Variants in LRP2 observed in about 807,000 individuals in gnomAD.
LRP2 encodes the protein low-density lipoprotein receptor-related protein 2.
Under a neutral mutation model 531.0 loss-of-function variants are expected in LRP2, and 172 were observed. The ratio of observed to expected loss-of-function variants is 0.32; its 90% confidence interval spans 0.29 to 0.37. LRP2 has a LOEUF of 0.37. Among genes scored for constraint, LRP2 ranks in the 10% least tolerant of loss-of-function variants. LRP2 has a pLI of 1.00. For synonymous variants in LRP2, 1,992 were observed against 2,027.6 expected, an observed-to-expected ratio of 0.98 and a Z score of 0.47; for missense variants, 5,167 against 5,868.3, an observed-to-expected ratio of 0.88 and a Z score of 3.90.
chr2:169,266,934 C>T (rs950950696), intron 16 of LRP2, among the ~76,000 whole-genome samples: 2 of 138,884 alleles, frequency 1.4e-5, no homozygotes, highest in Non-Finnish European at 3.0e-5. Context: ...GTTGCCCAAG[C>T]TGGAGTGCAG....
intron 1 of LRP2, among the ~76,000 whole-genome samples, chr2:169,350,124 G>T (rs562355806): frequency 1.8e-4 from 27 of 152,326 alleles, no homozygotes; most frequent in Non-Finnish European, 3.4e-4. Context: ...GATTTTCTAA[G>T]GAATTCTATA....
intron 71 of LRP2, among the ~76,000 whole-genome samples, 197 bp from the exon 72 acceptor site, chr2:169,140,742 A>T (rs904825373): frequency 6.6e-6 from 1 of 152,226 alleles, no homozygotes; most frequent in African/African-American, 2.4e-5. Context: ...GTGGAAAGAA[A>T]GGGGGCAGTT....
At chr2:169,268,501 A>C (rs1683299538) in intron 16 of LRP2, among the ~76,000 whole-genome samples, 1 of 152,240 alleles carries the variant, frequency 6.6e-6, no homozygotes, top group South Asian at 2.1e-4. Flanking sequence ...AACCAAAGAC[A>C]AAAACCACAT....
intron 1 of LRP2, among the ~76,000 whole-genome samples, chr2:169,332,482 C>T (rs1685293197): frequency 6.6e-6 from 1 of 152,174 alleles, no homozygotes; most frequent in Non-Finnish European, 1.5e-5. Context: ...CACTAAATTT[C>T]ATGAGACCTA....
chr2:169,298,153 C>A (rs2222019), intron 4 of LRP2, among the ~76,000 whole-genome samples: 81,624 of 151,366 alleles, frequency 0.54, 23,095 homozygotes, highest in Middle Eastern at 0.71. Flanking sequence ...GTTTGGCCAC[C>A]AGCACTTACT....
chr2:169,346,104 T>C (rs138012191), intron 1 of LRP2, among the ~76,000 whole-genome samples: 59 of 152,368 alleles, frequency 3.9e-4, no homozygotes, highest in African/African-American at 1.2e-3. Context: ...GGGATTTTGT[T>C]GCACATATTC....
intron 1 of LRP2, among the ~76,000 whole-genome samples, chr2:169,348,127 C>A (rs1340963138): frequency 6.6e-6 from 1 of 152,196 alleles, no homozygotes; most frequent in African/African-American, 2.4e-5. Flanking sequence ...TTTACTGTTA[C>A]TACATAAGTA....
In LRP2 at chr2:169,279,433, C is replaced by T. The variant is rs1313288879; in HGVS notation, c.1504G>A (p.Val502Ile). Reference protein sequence around the residue: ...DMVNLDGSYRVTLITENLGHP... With the variant: ...DMVNLDGSYRITLITENLGHP... ...CCCAAGTTTTCAGTTATAAGGGTAACCCGATAGCTTCCATCCAAATTTACC... is the reference window on the plus strand; with the variant it reads ...CCCAAGTTTTCAGTTATAAGGGTAATCCGATAGCTTCCATCCAAATTTACC... The change falls in exon 12 of 79, where the codon GTT becomes ATT. Residue 502 changes from valine to isoleucine, a missense_variant. This residue lies in a region of LRP2 where 2,811 missense variants were observed against 3,058.0 expected (regional missense o/e 0.92). Transcript: ENST00000649046. 3 of 1,614,056 alleles carry T rather than the reference C, an allele frequency of 1.9e-6. No homozygotes were observed. In the Admixed American group the frequency reaches 5.0e-5, roughly 27 times the overall value.
intron 4 of LRP2, among the ~76,000 whole-genome samples, chr2:169,302,214 A>G (rs1226189801): frequency 6.6e-6 from 1 of 152,178 alleles, no homozygotes; most frequent in African/African-American, 2.4e-5. Context: ...AAAGCAACTA[A>G]TAACAGCTGT....
At chr2:169,320,634 C>T (rs1684885496) in intron 2 of LRP2, 143 bp downstream of exon 2, 2 of 726,208 alleles carry the variant, frequency 2.8e-6, no homozygotes, top group Non-Finnish European at 5.0e-6. Flanking sequence ...GTTCTCTATT[C>T]AACCACACAG....
At chr2:169,139,762 C>A in intron 72 of LRP2, 152 bp from the exon 73 acceptor site, 1 of 728,056 alleles carries the variant, frequency 1.4e-6, no homozygotes, top group South Asian at 1.5e-5. Flanking sequence ...TTCATTCTGC[C>A]AAGAGAAGAC....
intron 17 of LRP2, 141 bp downstream of exon 17, chr2:169,258,884 G>T (rs1446474130): frequency 1.3e-6 from 1 of 788,746 alleles, no homozygotes; most frequent in Non-Finnish European, 2.1e-6. Context: ...GAGGAAAAAA[G>T]AAATAAAATT....
intron 29 of LRP2, among the ~76,000 whole-genome samples, chr2:169,234,025 C>T (rs1191491242): frequency 6.6e-6 from 1 of 152,224 alleles, no homozygotes; most frequent in Non-Finnish European, 1.5e-5. Context: ...TCTTGTGCTG[C>T]CACTCACTGA....
At position 169,211,981 on chromosome 2, in the gene LRP2, C is replaced by A. The variant is rs2228169; in HGVS notation, c.6267G>T (p.Pro2089=). ...ELSDHSETMV[P]VAGQGRNALH... ...GAGTTGGCATACCTTGGCCTGCCACCGGCACCATGGTTTCTGAATGATCTG... is the reference window on the plus strand; with the variant it reads ...GAGTTGGCATACCTTGGCCTGCCACAGGCACCATGGTTTCTGAATGATCTG... Residue 2089 remains proline (P), a synonymous_variant, in exon 37 of 79, where the codon CCG becomes CCT. Coordinates refer to ENST00000649046, the MANE Select transcript of LRP2 (RefSeq NM_004525.3). 1 of 1,613,768 alleles carries A rather than the reference C, an allele frequency of 6.2e-7. No homozygotes were observed. The highest frequency in any genetic ancestry group is 1.7e-5 in the Admixed American group (1 of 59,984).
At chr2:169,266,422 A>G (rs1397772218) in intron 16 of LRP2, among the ~76,000 whole-genome samples, 1 of 152,048 alleles carries the variant, frequency 6.6e-6, no homozygotes, top group African/African-American at 2.4e-5. Context: ...AACAGATAAA[A>G]TGATATCCAA....
Position 169,154,622 on chromosome 2 carries a change from C to G in LRP2, c.12152-19G>C. On this transcript the variant is annotated intron_variant, in intron 65 of 78. Coordinates refer to ENST00000649046, the MANE Select transcript of LRP2 (RefSeq NM_004525.3). ...GAGCTACCTGTAAACAAACAAAGGG[C>G]TACTTTATCTGTTTGAATTATACTT... is the stretch of plus-strand genomic sequence containing the variant. 6.2e-7 allele frequency: 1 copy of G among 1,611,724 alleles called. No homozygotes were observed. Among genetic ancestry groups the G allele is most frequent in the Non-Finnish European group, 8.5e-7 (1 of 1,178,028 alleles).
intron 1 of LRP2, among the ~76,000 whole-genome samples, chr2:169,355,836 T>C (rs1202594815): frequency 1.3e-5 from 2 of 152,196 alleles, no homozygotes; most frequent in African/African-American, 4.8e-5. Flanking sequence ...TATTTCTGCA[T>C]AGGAAAAAAA....
At chr2:169,182,902 A>G (rs1247004720) in intron 50 of LRP2, among the ~76,000 whole-genome samples, 1 of 152,240 alleles carries the variant, frequency 6.6e-6, no homozygotes, top group Non-Finnish European at 1.5e-5. Flanking sequence ...AGGATCTGTT[A>G]GAAACTGCTA....
intron 1 of LRP2, among the ~76,000 whole-genome samples, chr2:169,338,002 G>A (rs1293376165): frequency 6.6e-6 from 1 of 152,038 alleles, no homozygotes; most frequent in Non-Finnish European, 1.5e-5. Flanking sequence ...AGCTATTCAG[G>A]AGGCTGAGGT....
Sources: allele counts gnomAD v4.1 joint callset (sites outside exome capture counted in the v4.1 genomes callset), GRCh38; gene constraint gnomAD v4.1.1; regional missense constraint gnomAD v4.1.1; transcripts MANE v1.5; gene names NCBI Gene and HGNC (gene_info 2026-07-23, HGNC 2026-07-21).